The following COL23A1 variants were observed in gnomAD, a reference collection of about 807,000 sequenced individuals.
The protein encoded by COL23A1 is collagen type XXIII alpha 1 chain.
A neutral mutation model predicts 99.3 loss-of-function variants in COL23A1; 97 were observed. The ratio of observed to expected loss-of-function variants is 0.98; its 90% CI spans 0.83 to 1.16. The LOEUF (loss-of-function observed/expected upper bound fraction) is 1.16. Among genes scored for constraint, COL23A1 ranks in the 50% most tolerant of loss-of-function variants. The probability of loss-of-function intolerance (pLI) is 0.00; values close to 1 mark genes in which losing one functional copy is unlikely to be tolerated. For missense variants in COL23A1, 762 were observed against 757.4 expected (o/e 1.01, Z -0.07); for synonymous variants, 320 against 308.2 (o/e 1.04, Z -0.40).
In COL23A1 at chr5:178,590,286, G is replaced by T; in HGVS notation, c.-89C>A. The T allele has an allele frequency of 9.0e-7, 1 of 1,115,288 alleles. No homozygotes were observed. Among genetic ancestry groups the T allele is most frequent in the Non-Finnish European group, 1.1e-6 (1 of 901,870 alleles). 69.1% of individuals were successfully genotyped at this position (1,115,288 alleles called of 1,614,324 possible). The stretch of plus-strand genomic sequence containing the variant: ...AGAGGAGCAGGCGGGACAGCCCGAG[G>T]CACGAGGTCCGCCGGGCGCGGGGGT... On this transcript the variant is annotated 5_prime_UTR_variant, in exon 1 of 29. Coordinates refer to ENST00000390654, the MANE Select transcript of COL23A1 (RefSeq NM_173465.4). The surrounding 1 kb of genome is among the most constrained non-coding windows in gnomAD (Gnocchi z 5.7).
In COL23A1 at chr5:178,306,083, G is replaced by A. The variant is rs1415202313; in HGVS notation, c.406+792C>T. Reference sequence around the variant, plus strand: ...GACTGTGGGAGAGAGGAGAGGAGACGACCAAGGGAGATTCATTCACGGGGC... The same window carrying A: ...GACTGTGGGAGAGAGGAGAGGAGACAACCAAGGGAGATTCATTCACGGGGC... On this transcript the variant is annotated intron_variant, in intron 3 of 28. Coordinates refer to ENST00000390654, the MANE Select transcript of COL23A1 (RefSeq NM_173465.4). This position sits in a 1 kb window ranked among gnomAD's most constrained non-coding sequence, Gnocchi z 4.1. Among the ~76,000 whole-genome samples the A allele has an allele frequency of 1.3e-5, 2 of 152,050 alleles. No homozygotes were observed. The highest frequency in any genetic ancestry group is 2.9e-5 in the Non-Finnish European group (2 of 68,016).
intron 2 of COL23A1, among the ~76,000 whole-genome samples, chr5:178,353,934 T>C (rs1761473428): frequency 8.4e-6 from 1 of 119,320 alleles, no homozygotes; most frequent in East Asian, 2.1e-4. Flanking sequence ...GTGCTACCGT[T>C]GAGTTAAAAA....
chr5:178,530,459 T>A (rs1562059113), intron 2 of COL23A1, among the ~76,000 whole-genome samples: 1 of 151,682 alleles, frequency 6.6e-6, no homozygotes, highest in Non-Finnish European at 1.5e-5. Flanking sequence ...AAGACCTGTT[T>A]CAAAAAAAAA....
intron 2 of COL23A1, among the ~76,000 whole-genome samples, chr5:178,451,915 G>C (rs1194472291): frequency 1.3e-5 from 2 of 151,874 alleles, no homozygotes; most frequent in Non-Finnish European, 2.9e-5. Flanking sequence ...TTTTCAGTAG[G>C]AAACATCATA....
intron 2 of COL23A1, among the ~76,000 whole-genome samples, chr5:178,315,944 A>G (rs1029378446): frequency 6.6e-6 from 1 of 152,194 alleles, no homozygotes; most frequent in Non-Finnish European, 1.5e-5. Context: ...GGTAAACAAT[A>G]GGTTTTATTC....
chr5:178,238,430 C>T lies in COL23A1; in HGVS notation c.*268G>A. The T allele has an allele frequency of 1.9e-6, 1 of 527,708 alleles. No individual in the cohort carries two copies. The highest frequency in any genetic ancestry group is 3.4e-6 in the Non-Finnish European group (1 of 294,652). The allele number at this position is 527,708 out of a possible 1,614,324, so 32.7% of individuals were successfully genotyped here. Reference sequence around the variant, plus strand: ...CAACGTAGCATCTTTCTAGCCTTGCCCGAGCCAGGTGCTTCTACCTTCATC... The same window carrying T: ...CAACGTAGCATCTTTCTAGCCTTGCTCGAGCCAGGTGCTTCTACCTTCATC... On this transcript the variant is annotated 3_prime_UTR_variant, in exon 29 of 29. Transcript: ENST00000390654.
chr5:178,268,305 A>C (rs559779024), intron 7 of COL23A1, among the ~76,000 whole-genome samples: 1 of 152,214 alleles, frequency 6.6e-6, no homozygotes, highest in East Asian at 1.9e-4. Context: ...CCTGATACCA[A>C]GGAAGCCTTC....
At chr5:178,510,004 C>T (rs913727442) in intron 2 of COL23A1, among the ~76,000 whole-genome samples, 25 of 152,162 alleles carry the variant, frequency 1.6e-4, no homozygotes, top group Admixed American at 9.2e-4. Flanking sequence ...TGGTCCTGCA[C>T]GTAGGAAGTA....
At chr5:178,254,701 G>C (rs1489066072) in intron 16 of COL23A1, among the ~76,000 whole-genome samples, 1 of 152,162 alleles carries the variant, frequency 6.6e-6, no homozygotes, top group South Asian at 2.1e-4. Context: ...TGAGTGGGGA[G>C]CTTCCCTTTT....
At chr5:178,454,078 GCACAGAAACAATTA>G (rs1401040538) in intron 2 of COL23A1, among the ~76,000 whole-genome samples, 1 of 152,122 alleles carries the variant, frequency 6.6e-6, no homozygotes, top group African/African-American at 2.4e-5. Context: ...ATACGGTGGA[GCACAGAAACAATTA>G]CACAGAAACA....
At chr5:178,504,744 G>A (rs896316931) in intron 2 of COL23A1, among the ~76,000 whole-genome samples, 1 of 152,194 alleles carries the variant, frequency 6.6e-6, no homozygotes, top group African/African-American at 2.4e-5. Flanking sequence ...CATGCACTGC[G>A]TAGGTGAGAG....
chr5:178,367,925 AG>A (rs1446421052), intron 2 of COL23A1, among the ~76,000 whole-genome samples: 1 of 152,174 alleles, frequency 6.6e-6, no homozygotes, highest in Non-Finnish European at 1.5e-5. Context: ...GGAGGGGCTC[AG>A]GGCTGGGCCA....
Position 178,387,286 on chromosome 5 carries a change from C to T in COL23A1, c.362-80367G>A, listed in dbSNP as rs537325537. On this transcript the variant is annotated intron_variant, in intron 2 of 28. Transcript: ENST00000390654. This position sits in a 1 kb window ranked among gnomAD's most constrained non-coding sequence, Gnocchi z 4.7. ...ACCCCTTATGCCTGGGCCCAGACTC[C>T]CCACTTCTCTTCCTCGTCTCCTTCC... Among the ~76,000 whole-genome samples the T allele has an allele frequency of 6.6e-6, 1 of 152,238 alleles. No homozygotes were observed. The highest frequency in any genetic ancestry group is 1.5e-5 in the Non-Finnish European group (1 of 68,012).
intron 12 of COL23A1, among the ~76,000 whole-genome samples, chr5:178,258,403 T>TG (rs1345633507): frequency 4.4e-5 from 6 of 137,812 alleles, no homozygotes; most frequent in Non-Finnish European, 8.1e-5. Context: ...GGTTTTTTTT[T>TG]TTTTTTTTTT....
At chr5:178,354,937 G>A (rs532321180) in intron 2 of COL23A1, among the ~76,000 whole-genome samples, 10 of 151,994 alleles carry the variant, frequency 6.6e-5, no homozygotes, top group South Asian at 2.1e-4. Flanking sequence ...GTGAGCCTGT[G>A]GTCCCAGCTA....
At chr5:178,578,059 ACATGCACACACACACT>A (rs1343422853) in intron 1 of COL23A1, among the ~76,000 whole-genome samples, 11 of 151,586 alleles carry the variant, frequency 7.3e-5, no homozygotes, top group South Asian at 2.1e-4. Flanking sequence ...GCACACACCC[ACATGCACACACACACT>A]CATGCACACA....
At chr5:178,510,452 G>C (rs1323179310) in intron 2 of COL23A1, among the ~76,000 whole-genome samples, 2 of 152,184 alleles carry the variant, frequency 1.3e-5, no homozygotes, top group Non-Finnish European at 2.9e-5. Flanking sequence ...TGAGGCATGA[G>C]AATCACCTGA....
intron 2 of COL23A1, among the ~76,000 whole-genome samples, chr5:178,436,616 GTGC>G (rs1452274465): frequency 6.6e-6 from 1 of 152,202 alleles, no homozygotes; most frequent in Non-Finnish European, 1.5e-5. Flanking sequence ...GCTGAGCGAG[GTGC>G]TGCTTCCCTG....
chr5:178,481,131 C>CAAAAAAAAAAAAA (rs10625763), intron 2 of COL23A1, among the ~76,000 whole-genome samples: 7 of 102,278 alleles, frequency 6.8e-5, no homozygotes, highest in South Asian at 3.4e-4. Context: ...GACTGTCTCT[C>CAAAAAAAAAAAAA]AAAAAAAAAA....
Sources: gnomAD v4.1 joint callset for allele counts (sites outside exome capture counted in the v4.1 genomes callset) on GRCh38, gnomAD v4.1.1 for gene constraint, Gnocchi (gnomAD v3.1) non-coding constraint, MANE v1.5 for transcripts, NCBI Gene and HGNC (gene_info 2026-07-23, HGNC 2026-07-21) for gene names.